The following MAML3 variants were observed in gnomAD, a reference collection of about 807,000 sequenced individuals.
MAML3 encodes mastermind-like protein 3.
A neutral mutation model predicts 101.9 loss-of-function variants in MAML3; 27 were observed. The observed-to-expected ratio is 0.27, with a 90% CI of 0.20 to 0.37. MAML3 has a LOEUF of 0.37. MAML3 is among the 10% of genes least tolerant of loss of function. The pLI is 1.00. For synonymous variants in MAML3, 501 were observed against 555.9 expected, an observed-to-expected ratio of 0.90 and a Z score of 1.39; for missense variants, 1,316 against 1,444.9, an observed-to-expected ratio of 0.91 and a Z score of 1.45.
chr4:139,717,094 G>C lies in MAML3; in HGVS notation c.*2229C>G, dbSNP rs1728004134. On this transcript the variant is annotated 3_prime_UTR_variant, in exon 5 of 5. Coordinates refer to ENST00000509479, the MANE Select transcript of MAML3 (RefSeq NM_018717.5). Reference sequence around the variant, plus strand: ...GATAGTAGACCCAGTGATATCTGCAGTATTGTAAAAACTTATGTACAAATA... The same window carrying C: ...GATAGTAGACCCAGTGATATCTGCACTATTGTAAAAACTTATGTACAAATA... 1 of 152,374 alleles carries C rather than the reference G, an allele frequency of 6.6e-6. No individual in the cohort carries two copies. The allele number at this position is 152,374 out of a possible 1,614,324, so 9.4% of individuals were successfully genotyped here.
intron 2 of MAML3, among the ~76,000 whole-genome samples, chr4:139,771,967 C>A (rs112110527): frequency 6.7e-6 from 1 of 150,144 alleles, no homozygotes; most frequent in Non-Finnish European, 1.5e-5. Context: ...AGTCCGGGCG[C>A]GGTGGCTCAC....
At chr4:139,790,216 CATATATATATATATATAT>C (rs367675413) in intron 2 of MAML3, among the ~76,000 whole-genome samples, 2 of 110,260 alleles carry the variant, frequency 1.8e-5, no homozygotes. Flanking sequence ...ACCCTAGTGA[CATATATATATATATATAT>C]ATATATATAA....
intron 1 of MAML3, among the ~76,000 whole-genome samples, chr4:140,101,424 T>A (rs947077879): frequency 1.3e-5 from 2 of 152,216 alleles, no homozygotes; most frequent in African/African-American, 4.8e-5. Context: ...GTAATGCACT[T>A]GTGTAATGTA....
chr4:139,968,869 CAG>C (rs1329906961), intron 1 of MAML3, among the ~76,000 whole-genome samples: 1 of 152,034 alleles, frequency 6.6e-6, no homozygotes, highest in East Asian at 1.9e-4. Context: ...GTCTGGAGGA[CAG>C]AGGAGGCTGT....
At chr4:139,754,780 G>A (rs1246162256) in intron 2 of MAML3, among the ~76,000 whole-genome samples, 2 of 152,164 alleles carry the variant, frequency 1.3e-5, no homozygotes, top group Non-Finnish European at 2.9e-5. Context: ...CCAGCCCAGT[G>A]CAATTGTGAT....
Position 139,928,915 on chromosome 4 carries a change from T to A in MAML3, c.469-37948A>T, listed in dbSNP as rs138767732. Among the ~76,000 whole-genome samples, 388 of 152,286 alleles carry A rather than the reference T, an allele frequency of 2.5e-3. 2 individuals are homozygous for A. The highest frequency in any genetic ancestry group is 8.8e-3 in the African/African-American group (367 of 41,566). ...AAATATTTGGAAGCTACTGAAATAG[T>A]TTAGAATATCAGACAGGGTCTGAAT... On this transcript the variant is annotated intron_variant, in intron 1 of 4. Transcript: ENST00000509479.
chr4:140,075,596 G>A (rs1320384134), intron 1 of MAML3, among the ~76,000 whole-genome samples: 1 of 152,168 alleles, frequency 6.6e-6, no homozygotes, highest in East Asian at 1.9e-4. Context: ...GAGTGCAATG[G>A]TGCTATCATA....
chr4:139,913,458 TGA>T (rs1732968917), intron 1 of MAML3, among the ~76,000 whole-genome samples: 1 of 152,266 alleles, frequency 6.6e-6, no homozygotes, highest in Non-Finnish European at 1.5e-5. Flanking sequence ...TAAGTGCCAA[TGA>T]TTTTTGGATA....
chr4:139,750,102 T>C (rs577457132), intron 2 of MAML3, among the ~76,000 whole-genome samples: 1 of 152,224 alleles, frequency 6.6e-6, no homozygotes, highest in South Asian at 2.1e-4. Flanking sequence ...GGCAGAGTGC[T>C]TTGGAATTCA....
chr4:139,894,480 A>G (rs1484765298), intron 1 of MAML3, among the ~76,000 whole-genome samples: 1 of 151,344 alleles, frequency 6.6e-6, no homozygotes. Context: ...ACTGCACTCT[A>G]GCCTGCTGAC....
At chr4:140,042,350 C>A (rs1727099000) in intron 1 of MAML3, among the ~76,000 whole-genome samples, 1 of 152,110 alleles carries the variant, frequency 6.6e-6, no homozygotes, top group African/African-American at 2.4e-5. Flanking sequence ...CTAAACACAC[C>A]CCACTCTGAG....
chr4:139,877,797 T>G (rs1578643009), intron 2 of MAML3, among the ~76,000 whole-genome samples: 1 of 152,194 alleles, frequency 6.6e-6, no homozygotes, highest in East Asian at 1.9e-4. Context: ...CAAAGTAAAT[T>G]ACGTGTTTAA....
chr4:140,018,137 C>T (rs573347667), intron 1 of MAML3, among the ~76,000 whole-genome samples: 2 of 152,258 alleles, frequency 1.3e-5, no homozygotes, highest in South Asian at 4.1e-4. Flanking sequence ...TTCAAATAAC[C>T]TAAAATTTTA....
intron 4 of MAML3, among the ~76,000 whole-genome samples, chr4:139,723,010 A>G (rs1208448688): frequency 1.3e-5 from 2 of 152,262 alleles, no homozygotes; most frequent in Non-Finnish European, 2.9e-5. Flanking sequence ...AGAAAATGCA[A>G]AGTGATCAGC....
chr4:140,115,211 G>C (rs924493994), intron 1 of MAML3, among the ~76,000 whole-genome samples: 1 of 152,146 alleles, frequency 6.6e-6, no homozygotes, highest in Non-Finnish European at 1.5e-5. Context: ...ACTTCCATAT[G>C]AGTTAGCACT....
intron 2 of MAML3, chr4:139,740,331 G>C (rs1201131216): frequency 6.6e-6 from 1 of 152,224 alleles, no homozygotes; most frequent in Non-Finnish European, 1.5e-5. Flanking sequence ...GAAGACCTGA[G>C]TCACCAGGGC....
chr4:139,787,167 G>A (rs773613789), intron 2 of MAML3, among the ~76,000 whole-genome samples: 3 of 152,218 alleles, frequency 2.0e-5, no homozygotes, highest in South Asian at 2.1e-4. Context: ...TCCGTCCTGC[G>A]CCCCACAGGG....
At chr4:140,009,278 CA>C (rs1726509442) in intron 1 of MAML3, among the ~76,000 whole-genome samples, 1 of 152,204 alleles carries the variant, frequency 6.6e-6, no homozygotes, top group Non-Finnish European at 1.5e-5. Context: ...CAACAAGCCC[CA>C]GGCTCCCACA....
chr4:140,143,703 G>A (rs1729012249), intron 1 of MAML3, among the ~76,000 whole-genome samples: 1 of 152,226 alleles, frequency 6.6e-6, no homozygotes, highest in Non-Finnish European at 1.5e-5. Flanking sequence ...GGAGGTTGCA[G>A]TGAGCTGAGA....
Sources: allele counts gnomAD v4.1 joint callset (sites outside exome capture counted in the v4.1 genomes callset), GRCh38; gene constraint gnomAD v4.1.1; transcripts MANE v1.5; gene names NCBI Gene and HGNC (gene_info 2026-07-23, HGNC 2026-07-21).